The following MAST2 variants were observed in gnomAD, a reference collection of about 807,000 sequenced individuals.
MAST2 encodes microtubule-associated serine/threonine-protein kinase 2.
A neutral mutation model predicts 147.4 loss-of-function variants in MAST2; 70 were observed. The observed-to-expected ratio is 0.47, with a 90% CI of 0.39 to 0.58. The LOEUF (loss-of-function observed/expected upper bound fraction) is 0.58. Among genes scored for constraint, MAST2 ranks in the 20% least tolerant of loss-of-function variants. The pLI, the probability that MAST2 is intolerant of heterozygous loss-of-function variation, is 0.00. For synonymous variants in MAST2, 869 were observed against 896.8 expected, an observed-to-expected ratio of 0.97 and a Z score of 0.55; for missense variants, 2,080 against 2,302.3, an observed-to-expected ratio of 0.90 and a Z score of 1.98.
rs142993869 is a variant in MAST2, at chr1:45,926,652, G to A, written c.501-32734G>A. Among the ~76,000 whole-genome samples the A allele has an allele frequency of 9.9e-5, 15 of 152,268 alleles. No homozygotes were observed. In the East Asian group the frequency reaches 1.7e-3, roughly 18 times the overall value. ...GAAAGTCCATCAAAACGGTTTCAAGGTATTTCATTTCTCCTCTTACAGCAG... is the reference window on the plus strand; with the variant it reads ...GAAAGTCCATCAAAACGGTTTCAAGATATTTCATTTCTCCTCTTACAGCAG... On this transcript the variant is annotated intron_variant, in intron 4 of 28. Coordinates refer to ENST00000361297, the MANE Select transcript of MAST2 (RefSeq NM_015112.3).
At chr1:45,988,180 T>C (rs1644725011) in intron 5 of MAST2, among the ~76,000 whole-genome samples, 1 of 151,994 alleles carries the variant, frequency 6.6e-6, no homozygotes, top group African/African-American at 2.4e-5. Flanking sequence ...ACCCAGCTAA[T>C]TTATTTTATT....
intron 4 of MAST2, among the ~76,000 whole-genome samples, chr1:45,902,160 A>G (rs143519597): frequency 4.6e-5 from 7 of 152,308 alleles, no homozygotes; most frequent in South Asian, 2.1e-4. Flanking sequence ...TCTTCCTTCA[A>G]TGCCTAATTC....
At chr1:45,964,960 CT>C (rs1342304776) in intron 5 of MAST2, among the ~76,000 whole-genome samples, 1 of 152,024 alleles carries the variant, frequency 6.6e-6, no homozygotes, top group African/African-American at 2.4e-5. Context: ...TTATTTCTGC[CT>C]TCATTTCGTT....
chr1:45,857,774 C>T (rs1645838104), intron 3 of MAST2, among the ~76,000 whole-genome samples: 1 of 151,914 alleles, frequency 6.6e-6, no homozygotes, highest in Admixed American at 6.6e-5. Context: ...TGACAGGCCC[C>T]AGTGTGTGAT....
chr1:45,865,861 G>A (rs920266828), intron 3 of MAST2, among the ~76,000 whole-genome samples: 2 of 152,140 alleles, frequency 1.3e-5, no homozygotes, highest in African/African-American at 4.8e-5. Context: ...CAAAGAGCAA[G>A]CCAGCTTCTA....
chr1:45,816,221 A>AAGAGAGAG (rs144287036), intron 1 of MAST2, among the ~76,000 whole-genome samples: 2 of 134,736 alleles, frequency 1.5e-5, no homozygotes, highest in African/African-American at 2.8e-5. Flanking sequence ...GAGAGAGAGA[A>AAGAGAGAG]AGAGAGAGAG....
chr1:46,000,959 C>T (rs1330683925), intron 6 of MAST2: 26 of 1,289,418 alleles, frequency 2.0e-5, no homozygotes, highest in Non-Finnish European at 2.6e-5. Flanking sequence ...TTTACTACAG[C>T]CATAGCCACA....
chr1:46,033,919 G>C lies in MAST2; in HGVS notation c.3655G>C (p.Gly1219Arg). The C allele has an allele frequency of 6.2e-7, 1 of 1,614,064 alleles. No homozygotes were observed. The highest frequency in any genetic ancestry group is 2.2e-5 in the East Asian group (1 of 44,870). Residue 1219 changes from glycine (G) to arginine (R), a missense_variant, in exon 27 of 29, where the codon GGC (glycine) becomes CGC (arginine). By Grantham distance (125) the Gly-to-Arg change is moderately radical. This residue lies in a region of MAST2 where 1,278 missense variants were observed against 1,304.2 expected (regional missense o/e 0.98). Coordinates refer to ENST00000361297, the MANE Select transcript of MAST2 (RefSeq NM_015112.3). The part of the protein sequence containing the change: ...KMARRSKRSR[G>R]KDGQESRKRS... ...GGCCCGAAGGAGCAAGAGGAGCCGCGGCAAGGATGGGCAAGAAAGGTGAGC... is the reference window on the plus strand; with the variant it reads ...GGCCCGAAGGAGCAAGAGGAGCCGCCGCAAGGATGGGCAAGAAAGGTGAGC...
chr1:45,892,220 A>G lies in MAST2; in HGVS notation c.500+9825A>G, dbSNP rs201367306. The stretch of plus-strand genomic sequence containing the variant: ...CTTGTTTAGCCCTATTCAAATAACC[A>G]TATTGCCTTGAACTGTAAGGAGACT... On this transcript the variant is annotated intron_variant, in intron 4 of 28. Transcript: ENST00000361297. Among the ~76,000 whole-genome samples, 4 of 152,286 alleles carry G rather than the reference A, an allele frequency of 2.6e-5. No homozygotes were observed. The East Asian group carries it at 7.7e-4, about 29-fold the overall frequency.
chr1:45,889,660 C>G (rs947781430), intron 4 of MAST2, among the ~76,000 whole-genome samples: 1 of 152,038 alleles, frequency 6.6e-6, no homozygotes, highest in African/African-American at 2.4e-5. Context: ...GGCTGGAGTA[C>G]AGTGACGCAA....
At chr1:45,964,814 G>A (rs2148945591) in intron 5 of MAST2, among the ~76,000 whole-genome samples, 1 of 152,180 alleles carries the variant, frequency 6.6e-6, no homozygotes, top group East Asian at 1.9e-4. Context: ...TGATGTTAGG[G>A]TGTCAACTTT....
Position 46,035,745 on chromosome 1 carries a change from C to G in MAST2, c.5076C>G (p.Ala1692=), listed in dbSNP as rs746201840. The G allele has an allele frequency of 1.1e-5, 18 of 1,613,918 alleles. No homozygotes were observed. The highest frequency in any genetic ancestry group is 1.4e-5 in the Non-Finnish European group (17 of 1,180,010). The change falls in exon 29 of 29, where the codon GCC becomes GCG. Residue 1692 remains alanine, a synonymous_variant. Transcript: ENST00000361297. This position sits in a 1 kb window ranked among gnomAD's most constrained non-coding sequence, Gnocchi z 5.5. ...NLQDLENTTP[A]QPKNLSPREQ... is the part of the protein sequence containing the mutation. ...AGGATTTGGAAAACACAACTCCAGC[C>G]CAGCCTAAGAACCTGTCTCCCAGGG...
At chr1:45,899,485 G>T (rs1333096227) in intron 4 of MAST2, among the ~76,000 whole-genome samples, 2 of 151,840 alleles carry the variant, frequency 1.3e-5, no homozygotes, top group African/African-American at 2.4e-5. Flanking sequence ...GGAGTCCCCA[G>T]TGTCTATTGT....
chr1:45,956,848 C>T (rs1045789764), intron 4 of MAST2, among the ~76,000 whole-genome samples: 7 of 152,176 alleles, frequency 4.6e-5, no homozygotes, highest in Admixed American at 2.0e-4. Flanking sequence ...TAGTTGAGCA[C>T]AGTTCATATC....
rs1646725702 is a variant in MAST2, at chr1:46,032,766, T to G, written c.3537+48T>G. The stretch of plus-strand genomic sequence containing the variant: ...GCATGGTCCCTGAATGACCTCAGCC[T>G]GTGAGTCTGTGATGGCAGTTAGGGG... On this transcript the variant is annotated intron_variant, in intron 26 of 28. Coordinates refer to ENST00000361297, the MANE Select transcript of MAST2 (RefSeq NM_015112.3). 2.5e-6 allele frequency: 4 copies of G among 1,584,118 alleles called. No homozygotes were observed. In the South Asian group the frequency reaches 4.6e-5, roughly 18 times the overall value.
intron 4 of MAST2, among the ~76,000 whole-genome samples, chr1:45,931,859 T>A (rs1318494766): frequency 2.0e-5 from 3 of 152,044 alleles, no homozygotes; most frequent in Admixed American, 1.3e-4. Context: ...TGGCTAAGTT[T>A]TAAAAAATTT....
chr1:45,943,342 G>A (rs1402447842), intron 4 of MAST2, among the ~76,000 whole-genome samples: 4 of 152,062 alleles, frequency 2.6e-5, no homozygotes, highest in Admixed American at 6.6e-5. Context: ...AGATTTATGT[G>A]ATCATCTGAT....
intron 3 of MAST2, among the ~76,000 whole-genome samples, chr1:45,860,693 G>A (rs979185643): frequency 2.6e-5 from 4 of 151,698 alleles, no homozygotes; most frequent in Non-Finnish European, 4.4e-5. Flanking sequence ...TTAGCCAAGC[G>A]TAGTGGCGGG....
At chr1:45,898,451 T>C (rs1225526748) in intron 4 of MAST2, among the ~76,000 whole-genome samples, 1 of 152,224 alleles carries the variant, frequency 6.6e-6, no homozygotes, top group Non-Finnish European at 1.5e-5. Flanking sequence ...TATAGTGTGT[T>C]CCTTGGTCTG....
Sources: gnomAD v4.1 joint callset for allele counts (sites outside exome capture counted in the v4.1 genomes callset) on GRCh38, gnomAD v4.1.1 for gene constraint, gnomAD v4.1.1 regional missense constraint, Gnocchi (gnomAD v3.1) non-coding constraint, MANE v1.5 for transcripts, NCBI Gene and HGNC (gene_info 2026-07-23, HGNC 2026-07-21) for gene names.